PCDHGA10: variants seen among roughly 807,000 people sequenced by gnomAD.
The protein encoded by PCDHGA10 is protocadherin gamma-A10.
In PCDHGA10, 42 loss-of-function variants were observed where a neutral mutation model predicts 59.5. That is an observed-to-expected ratio of 0.71 (90% CI 0.55 to 0.91). The LOEUF is 0.91. Ranked by LOEUF, PCDHGA10 falls within the 40% of genes least tolerant of loss-of-function variation. The pLI is 0.00. For missense variants in PCDHGA10, 1,111 were observed against 1,198.2 expected, an observed-to-expected ratio of 0.93 and a Z score of 1.07; for synonymous variants, 511 against 517.2, an observed-to-expected ratio of 0.99 and a Z score of 0.16.
intron 1 of PCDHGA10, among the ~76,000 whole-genome samples, chr5:141,464,882 A>T (rs1418376370): frequency 6.6e-6 from 1 of 151,918 alleles, no homozygotes; most frequent in Middle Eastern, 3.2e-3. Context: ...AGGACTACAG[A>T]TGGATGCCAC....
chr5:141,423,672 T>A, intron 1 of PCDHGA10: 2 of 1,549,982 alleles, frequency 1.3e-6, no homozygotes, highest in Non-Finnish European at 1.7e-6. Context: ...TGAGATTTAT[T>A]TCTCTGCCTC....
chr5:141,500,148 G>T (rs936567158), intron 2 of PCDHGA10, among the ~76,000 whole-genome samples: 6 of 150,990 alleles, frequency 4.0e-5, no homozygotes, highest in African/African-American at 1.5e-4. Flanking sequence ...ACTTTTCTTT[G>T]TGTAATCAAA....
chr5:141,498,625 T>C (rs1327552423), intron 2 of PCDHGA10, among the ~76,000 whole-genome samples: 1 of 152,176 alleles, frequency 6.6e-6, no homozygotes, highest in Non-Finnish European at 1.5e-5. Context: ...TGGGTCACAC[T>C]GCCTAGACAG....
rs768206517 is a variant in PCDHGA10 at position 141,432,482 on chromosome 5, G to C, written c.2436+16871G>C. 6.2e-7 allele frequency: 1 copy of C among 1,614,178 alleles called. No individual in the cohort carries two copies. Among genetic ancestry groups the C allele is most frequent in the South Asian group, 1.1e-5 (1 of 91,074 alleles). ...CCTCCCCACGGACGGTTCCACTGGC[G>C]TGGAGCTGGCTCCCCGCTCCGCAGA... On this transcript the variant is annotated intron_variant, in intron 1 of 3. Coordinates refer to ENST00000398610, the MANE Select transcript of PCDHGA10 (RefSeq NM_018913.3). The surrounding 1 kb of genome is among the most constrained non-coding windows in gnomAD (Gnocchi z 6.0).
Position 141,427,553 on chromosome 5 carries a change from TG to T in PCDHGA10, c.2436+11943del, listed in dbSNP as rs201716174. ...AGTACAACGTCACCATCACTGCCAC[TG>T]ACAAGGGCAAGCCTCCGCTCTCATC... On this transcript the variant is annotated intron_variant, in intron 1 of 3. Transcript: ENST00000398610. 2.7e-3 allele frequency: 1,760 copies of T among 646,124 alleles called. 23 individuals are homozygous for T. In the African/African-American group the frequency reaches 0.028, roughly 10 times the overall value. 40.0% of individuals were successfully genotyped at this position (646,124 alleles called of 1,614,324 possible).
Position 141,431,054 on chromosome 5 carries a change from G to A in PCDHGA10, c.2436+15443G>A, listed in dbSNP as rs532584174. 1 of 1,614,198 alleles carries A rather than the reference G, an allele frequency of 6.2e-7. No individual in the cohort carries two copies. Among genetic ancestry groups the A allele is most frequent in the African/African-American group, 1.3e-5 (1 of 75,076 alleles). ...AGACCGGGAGGAGCTCTGTATGGGG[G>A]CCATCAAGTGTCAATTAAATCTAGA... On this transcript the variant is annotated intron_variant, in intron 1 of 3. Transcript: ENST00000398610. This position sits in a 1 kb window ranked among gnomAD's most constrained non-coding sequence, Gnocchi z 4.8.
At chr5:141,494,171 G>A (rs72790068) in intron 1 of PCDHGA10, among the ~76,000 whole-genome samples, 9,520 of 152,240 alleles carry the variant, frequency 0.063, 348 homozygotes, top group South Asian at 0.11. Flanking sequence ...TTCTAGGGGT[G>A]AGAAGTGTCC....
At chr5:141,453,989 A>T (rs902043628) in intron 1 of PCDHGA10, among the ~76,000 whole-genome samples, 6 of 152,256 alleles carry the variant, frequency 3.9e-5, no homozygotes, top group African/African-American at 1.4e-4. Context: ...CCTTCCAGTG[A>T]TAAACCCACA....
At chr5:141,427,087 A>G (rs1338132084) in intron 1 of PCDHGA10, 1 of 458,198 alleles carries the variant, frequency 2.2e-6, no homozygotes, top group Non-Finnish European at 4.4e-6. Flanking sequence ...ACTGACCAGG[A>G]TGAGGGTGTC....
intron 2 of PCDHGA10, among the ~76,000 whole-genome samples, chr5:141,501,476 A>T (rs1274017343): frequency 3.3e-5 from 5 of 152,044 alleles, no homozygotes; most frequent in Admixed American, 3.3e-4. Context: ...ATCCTGGAAG[A>T]GTCCCTCATA....
chr5:141,419,715 TG>T (rs754309862), intron 1 of PCDHGA10: 1 of 1,613,288 alleles, frequency 6.2e-7, no homozygotes, highest in South Asian at 1.1e-5. Flanking sequence ...CTCTTCAGCC[TG>T]GGGCTGCGAA....
intron 1 of PCDHGA10, among the ~76,000 whole-genome samples, chr5:141,488,463 C>T (rs926068842): frequency 6.6e-6 from 1 of 152,164 alleles, no homozygotes; most frequent in African/African-American, 2.4e-5. Flanking sequence ...GATTCAGCCC[C>T]AGAAATGTTC....
chr5:141,463,359 T>C (rs2099057442), intron 1 of PCDHGA10, among the ~76,000 whole-genome samples: 2 of 151,672 alleles, frequency 1.3e-5, no homozygotes, highest in Admixed American at 6.6e-5. Flanking sequence ...GGATTTCCCC[T>C]TTCCTGCCCC....
chr5:141,414,184 G>C lies in PCDHGA10; in HGVS notation c.1009G>C (p.Val337Leu), dbSNP rs1228749194. 1.9e-6 allele frequency: 3 copies of C among 1,609,416 alleles called. No individual in the cohort carries two copies. Among genetic ancestry groups the C allele is most frequent in the Non-Finnish European group, 2.5e-6 (3 of 1,177,752 alleles). The change falls in exon 1 of 4, where the codon GTG (valine) becomes CTG (leucine). Residue 337 changes from valine to leucine, a missense_variant. Coordinates refer to ENST00000398610, the MANE Select transcript of PCDHGA10 (RefSeq NM_018913.3). Reference protein sequence around the residue: ...DGGAYLATAKVLITVEDVNDN... With the variant: ...DGGAYLATAKLLITVEDVNDN... ...AGGAGCATATCTTGCAACTGCAAAA[G>C]TGTTGATTACAGTAGAAGATGTAAA...
At chr5:141,492,587 C>G (rs2154587748) in intron 1 of PCDHGA10, among the ~76,000 whole-genome samples, 1 of 152,314 alleles carries the variant, frequency 6.6e-6, no homozygotes, top group African/African-American at 2.4e-5. Flanking sequence ...GGGCCAGGAG[C>G]GCTGGAGCGA....
rs1186225096 is a variant in PCDHGA10, at chr5:141,490,605, C to G, written c.2437-4202C>G. The G allele has an allele frequency of 1.1e-5, 18 of 1,614,198 alleles. No homozygotes were observed. Among genetic ancestry groups the G allele is most frequent in the Non-Finnish European group, 1.5e-5 (18 of 1,180,030 alleles). On this transcript the variant is annotated intron_variant, in intron 1 of 3. Transcript: ENST00000398610. The surrounding 1 kb of genome is among the most constrained non-coding windows in gnomAD (Gnocchi z 5.4). ...TCAATGACAATGCACCCCGCTTCAACCAGCAGCTTTACACTGCTTACATCC... is the reference window on the plus strand; with the variant it reads ...TCAATGACAATGCACCCCGCTTCAAGCAGCAGCTTTACACTGCTTACATCC...
chr5:141,431,325 G>C lies in PCDHGA10; in HGVS notation c.2436+15714G>C, dbSNP rs772252181. On this transcript the variant is annotated intron_variant, in intron 1 of 3. Coordinates refer to ENST00000398610, the MANE Select transcript of PCDHGA10 (RefSeq NM_018913.3). The surrounding 1 kb of genome is among the most constrained non-coding windows in gnomAD (Gnocchi z 4.8). Reference sequence around the variant, plus strand: ...ATCGTGCAAAATGGAGCCGACGGTAGTAAGTACCCCGAATTGGTGCTGAAA... The same window carrying C: ...ATCGTGCAAAATGGAGCCGACGGTACTAAGTACCCCGAATTGGTGCTGAAA... 4.3e-6 allele frequency: 7 copies of C among 1,614,144 alleles called. No individual in the cohort carries two copies. In the Admixed American group the frequency reaches 8.3e-5, roughly 19 times the overall value.
rs1340974686 is a variant in PCDHGA10, at chr5:141,477,604, C to T, written c.2437-17203C>T. The T allele has an allele frequency of 6.2e-7, 1 of 1,614,084 alleles. No individual in the cohort carries two copies. Among genetic ancestry groups the T allele is most frequent in the Non-Finnish European group, 8.5e-7 (1 of 1,180,054 alleles). ...AGAATGCTCGGCTTTCTTTCTTTCT[C>T]TTGGAGCAAGGAGCTGAAACCGGGC... On this transcript the variant is annotated intron_variant, in intron 1 of 3. Coordinates refer to ENST00000398610, the MANE Select transcript of PCDHGA10 (RefSeq NM_018913.3). The surrounding 1 kb of genome is among the most constrained non-coding windows in gnomAD (Gnocchi z 4.9).
Position 141,489,826 on chromosome 5 carries a change from C to G in PCDHGA10, c.2437-4981C>G. On this transcript the variant is annotated intron_variant, in intron 1 of 3. Transcript: ENST00000398610. This position sits in a 1 kb window ranked among gnomAD's most constrained non-coding sequence, Gnocchi z 4.5. The stretch of plus-strand genomic sequence containing the variant: ...TGGGAAGCCATTCCCAGAGCTGGTG[C>G]TAGAGCAGCAGCTGGATCGTGAAGC... 1 of 1,614,186 alleles carries G rather than the reference C, an allele frequency of 6.2e-7. No homozygotes were observed. The highest frequency in any genetic ancestry group is 8.5e-7 in the Non-Finnish European group (1 of 1,179,988).
Sources: allele counts gnomAD v4.1 joint callset (sites outside exome capture counted in the v4.1 genomes callset), GRCh38; gene constraint gnomAD v4.1.1; non-coding constraint Gnocchi (gnomAD v3.1); transcripts MANE v1.5; gene names NCBI Gene and HGNC (gene_info 2026-07-23, HGNC 2026-07-21).